Variants in PLAAT2 observed in about 807,000 individuals in gnomAD.
PLAAT2 encodes the protein HRAS like suppressor 2.
A neutral mutation model predicts 12.8 loss-of-function variants in PLAAT2; 12 were observed. That is an observed-to-expected ratio of 0.94 (90% CI 0.60 to 1.52). The LOEUF is 1.52. PLAAT2 is among the 40% of genes most tolerant of loss of function. PLAAT2 has a pLI of 0.00. For missense variants in PLAAT2, 166 were observed against 208.1 expected, an observed-to-expected ratio of 0.80 and a Z score of 1.24; for synonymous variants, 79 against 86.8, an observed-to-expected ratio of 0.91 and a Z score of 0.50.
intron 3 of PLAAT2, among the ~76,000 whole-genome samples, chr11:63,555,997 TAGGC>T (rs1454253197): frequency 6.6e-6 from 1 of 152,212 alleles, no homozygotes; most frequent in East Asian, 1.9e-4. Flanking sequence ...AGAGCTTTCT[TAGGC>T]AGGCATTTAT....
chr11:63,561,001 C>A (rs1414651049), intron 1 of PLAAT2, among the ~76,000 whole-genome samples: 1 of 152,182 alleles, frequency 6.6e-6, no homozygotes, highest in Non-Finnish European at 1.5e-5. Flanking sequence ...GCCCTTGCCA[C>A]ATAAATTCTG....
rs1433763489 is a variant in PLAAT2, at chr11:63,558,441, C to T, written c.338G>A (p.Cys113Tyr). The change falls in exon 3 of 4, where the codon TGC becomes TAC. Residue 113 changes from cysteine (C) to tyrosine (Y), a missense_variant. Transcript: ENST00000255695. ...ELPYSLTSDN[C>Y]EHFVNHLRYG... ...GCGCAGATGGTTCACGAAGTGCTCG[C>T]AGTTGTCACTGGTCAGCGAATAAGG... 6.2e-7 allele frequency: 1 copy of T among 1,614,228 alleles called. No individual in the cohort carries two copies. The highest frequency in any genetic ancestry group is 2.2e-5 in the East Asian group (1 of 44,882).
chr11:63,561,720 A>G (rs2017520929), intron 1 of PLAAT2, among the ~76,000 whole-genome samples: 1 of 151,794 alleles, frequency 6.6e-6, no homozygotes, highest in Non-Finnish European at 1.5e-5. Flanking sequence ...AGGTACACCA[A>G]AATCTCAGAC....
At chr11:63,561,376 G>A (rs2017516610) in intron 1 of PLAAT2, among the ~76,000 whole-genome samples, 1 of 152,172 alleles carries the variant, frequency 6.6e-6, no homozygotes. Context: ...GGGTGTGGTG[G>A]CTCACGCCTA....
rs2017429622 is a variant in PLAAT2 at position 63,552,905 on chromosome 11, T to C, written c.*59A>G. ...AAATCAGTAAACCAAACTCCACTCCTGCTGGCTAAATAATATTCCTCCGTA... is the reference window on the plus strand; with the variant it reads ...AAATCAGTAAACCAAACTCCACTCCCGCTGGCTAAATAATATTCCTCCGTA... On this transcript the variant is annotated 3_prime_UTR_variant, in exon 4 of 4. Coordinates refer to ENST00000255695, the MANE Select transcript of PLAAT2 (RefSeq NM_017878.2). 26 of 1,176,094 alleles carry C rather than the reference T, an allele frequency of 2.2e-5. No homozygotes were observed. Among genetic ancestry groups the C allele is most frequent in the Non-Finnish European group, 2.6e-5 (20 of 783,902 alleles). The allele number at this position is 1,176,094 out of a possible 1,614,324, so 72.9% of individuals were successfully genotyped here. A position where few individuals can be genotyped will look rare whatever the true frequency, so the allele number is the denominator to read the frequency against.
At chr11:63,559,932 T>C (rs1296333124) in intron 2 of PLAAT2, among the ~76,000 whole-genome samples, 153 bp downstream of exon 2, 2 of 152,220 alleles carry the variant, frequency 1.3e-5, no homozygotes, top group African/African-American at 4.8e-5. Flanking sequence ...GAATAGCAGT[T>C]GCTACATCTA....
At chr11:63,562,236 T>C (rs1257824044) in intron 1 of PLAAT2, among the ~76,000 whole-genome samples, 2 of 152,156 alleles carry the variant, frequency 1.3e-5, no homozygotes, top group Non-Finnish European at 2.9e-5. Flanking sequence ...TGCTAATAGT[T>C]TTGGTTTTTG....
intron 3 of PLAAT2, among the ~76,000 whole-genome samples, chr11:63,556,582 A>C (rs949750764): frequency 6.6e-6 from 1 of 152,058 alleles, no homozygotes; most frequent in Non-Finnish European, 1.5e-5. Context: ...AGCATGTCCC[A>C]CCGTGCCCCA....
intron 3 of PLAAT2, 151 bp downstream of exon 3, chr11:63,558,241 T>A: frequency 1.7e-4 from 135 of 780,330 alleles, no homozygotes; most frequent in Middle Eastern, 4.2e-4. Context: ...CCACCCCAAA[T>A]GTGACACCCT....
At chr11:63,554,456 AC>A (rs569186198) in intron 3 of PLAAT2, among the ~76,000 whole-genome samples, 2 of 151,252 alleles carry the variant, frequency 1.3e-5, no homozygotes, top group East Asian at 1.9e-4. Flanking sequence ...ACATGGTGAG[AC>A]CCCCGTCTCC....
chr11:63,558,577 C>A lies in PLAAT2; in HGVS notation c.202G>T (p.Val68Leu), dbSNP rs777549336. Residue 68 changes from valine (V) to leucine (L), a missense_variant, in exon 3 of 4, where the codon GTG (valine) becomes TTG (leucine). By Grantham distance (32) the Val-to-Leu change is conservative (BLOSUM62 1). Transcript: ENST00000255695. ...ACCCTGTAGTTGTCTCCCCCAGCCA[C>A]CACAGACAGCAGTTCCTTCTTCACT... Reference protein sequence around the residue: ...AIVKKELLSVVAGGDNYRVNN... With the variant: ...AIVKKELLSVLAGGDNYRVNN... The A allele has an allele frequency of 1.9e-6, 3 of 1,614,236 alleles. No homozygotes were observed. Among genetic ancestry groups the A allele is most frequent in the Non-Finnish European group, 2.5e-6 (3 of 1,180,040 alleles).
At chr11:63,554,661 C>T (rs2017450631) in intron 3 of PLAAT2, among the ~76,000 whole-genome samples, 1 of 148,892 alleles carries the variant, frequency 6.7e-6, no homozygotes, top group South Asian at 2.1e-4. Flanking sequence ...AGAACTCACG[C>T]AAAGCCACAC....
In PLAAT2 at chr11:63,555,042, T is replaced by C. The variant is rs534956732; in HGVS notation, c.388-1977A>G. On this transcript the variant is annotated intron_variant, in intron 3 of 3. Coordinates refer to ENST00000255695, the MANE Select transcript of PLAAT2 (RefSeq NM_017878.2). ...AGTAGGGAGACGGGTGAGCGAGGGCTCATAGAGTCAGGGAGGTGAAATATT... is the reference window on the plus strand; with the variant it reads ...AGTAGGGAGACGGGTGAGCGAGGGCCCATAGAGTCAGGGAGGTGAAATATT... 5.9e-5 allele frequency among the ~76,000 whole-genome samples: 9 copies of C among 152,320 alleles called. No homozygotes were observed. In the South Asian group the frequency reaches 1.7e-3, roughly 28 times the overall value.
chr11:63,560,763 T>A (rs1476795594), intron 1 of PLAAT2, among the ~76,000 whole-genome samples: 1 of 152,228 alleles, frequency 6.6e-6, no homozygotes, highest in Non-Finnish European at 1.5e-5. Context: ...ACTTGCCTAA[T>A]AAGTAGAAGA....
chr11:63,553,855 G>T (rs1222840885), intron 3 of PLAAT2, among the ~76,000 whole-genome samples: 1 of 152,116 alleles, frequency 6.6e-6, no homozygotes, highest in African/African-American at 2.4e-5. Flanking sequence ...CCCAGGTGCT[G>T]ATCCCACTGC....
chr11:63,561,791 A>C (rs999964614), intron 1 of PLAAT2, among the ~76,000 whole-genome samples: 2 of 152,060 alleles, frequency 1.3e-5, no homozygotes, highest in South Asian at 2.1e-4. Context: ...AGAACCTCGA[A>C]ATTTAAAAAA....
At chr11:63,553,115 G>C (rs765469952) in intron 3 of PLAAT2, 50 bp from the exon 4 acceptor site, 6 of 1,139,856 alleles carry the variant, frequency 5.3e-6, no homozygotes, top group South Asian at 5.0e-5. Flanking sequence ...GCGGGACCAC[G>C]ATACATACAC....
At chr11:63,562,470 C>T (rs968883607) in intron 1 of PLAAT2, among the ~76,000 whole-genome samples, 3 of 152,104 alleles carry the variant, frequency 2.0e-5, no homozygotes, top group African/African-American at 4.8e-5. Context: ...GCTAGAGTTT[C>T]GGTTTTTCAG....
intron 3 of PLAAT2, among the ~76,000 whole-genome samples, chr11:63,555,251 TAC>T (rs1284882278): frequency 6.6e-6 from 1 of 152,332 alleles, no homozygotes; most frequent in East Asian, 1.9e-4. Context: ...GTAAGGGATA[TAC>T]AGTCAGCCCT....
Sources: allele counts gnomAD v4.1 joint callset (sites outside exome capture counted in the v4.1 genomes callset), GRCh38; gene constraint gnomAD v4.1.1; transcripts MANE v1.5; gene names NCBI Gene and HGNC (gene_info 2026-07-23, HGNC 2026-07-21).